OPLAH: variants seen among roughly 807,000 people sequenced by gnomAD.
OPLAH encodes the protein 5-oxoprolinase.
Under a neutral mutation model 122.8 loss-of-function variants are expected in OPLAH, and 103 were observed. The ratio of observed to expected loss-of-function variants is 0.84; its 90% CI spans 0.71 to 0.99. OPLAH has a LOEUF of 0.99. OPLAH is among the 50% of genes least tolerant of loss of function. OPLAH has a pLI of 0.00. For missense variants in OPLAH, 1,902 were observed against 1,836.5 expected (o/e 1.04, Z -0.65); for synonymous variants, 875 against 796.0 (o/e 1.10, Z -1.67).
At chr8:144,054,967 G>C (rs1265430487) in intron 17 of OPLAH, 54 bp from the exon 18 acceptor site, 14 of 1,223,948 alleles carry the variant, frequency 1.1e-5, no homozygotes, top group Non-Finnish European at 1.5e-5. Context: ...GGCCAGAGCG[G>C]GGTGGGGGGG....
Position 144,057,310 on chromosome 8 carries a change from T to C in OPLAH, c.1433A>G (p.His478Arg). Residue 478 changes from histidine to arginine, a missense_variant, in exon 11 of 27, where the codon CAT becomes CGT. This residue lies in a region of OPLAH where 1,726 missense variants were observed against 1,642.1 expected (regional missense o/e 1.05). Transcript: ENST00000618853. ...GGCCAGCACATGGGCTGAGGGGTCATGGCCTCTTGCCTAGGGAGACAGAAG... is the reference window on the plus strand; with the variant it reads ...GGCCAGCACATGGGCTGAGGGGTCACGGCCTCTTGCCTAGGGAGACAGAAG... The part of the protein sequence containing the change: ...PIRALTQARG[H>R]DPSAHVLACF... 5 of 1,611,902 alleles carry C rather than the reference T, an allele frequency of 3.1e-6. No homozygotes were observed. The South Asian group carries it at 4.4e-5, about 14-fold the overall frequency.
In OPLAH at chr8:144,052,831, C is replaced by CG; in HGVS notation, c.3087dup (p.Val1030ArgfsTer120). 6.4e-7 allele frequency: 1 copy of CG among 1,557,628 alleles called. No homozygotes were observed. Among genetic ancestry groups the CG allele is most frequent in the Non-Finnish European group, 8.7e-7 (1 of 1,151,586 alleles). On this transcript the variant is annotated frameshift_variant, in exon 22 of 27. Transcript: ENST00000618853. LOFTEE classifies it high-confidence loss of function. ...CAGTAGATGAGGGCGGACAGGGTTA[C>CG]GGCCCGCGGTGCGTTGAGATTACCA...
In OPLAH at chr8:144,051,401, C is replaced by G. The variant is rs199762879; in HGVS notation, c.3792G>C (p.Gly1264=). 6.8e-5 allele frequency: 108 copies of G among 1,599,682 alleles called. No homozygotes were observed. The highest frequency in any genetic ancestry group is 9.1e-5 in the Non-Finnish European group (107 of 1,174,868). ...GDPEDPAPPP[G]SPPQALAFPE... is the part of the protein sequence containing the mutation. Reference sequence around the variant, plus strand: ...GAAAGGCCAGTGCTTGCGGGGGCGACCCCGGCGGTGGGGCGGGGTCCTCCG... The same window carrying G: ...GAAAGGCCAGTGCTTGCGGGGGCGAGCCCGGCGGTGGGGCGGGGTCCTCCG... The change falls in exon 27 of 27, where the codon GGG becomes GGC. Residue 1264 remains glycine (G), a synonymous_variant. Transcript: ENST00000618853.
chr8:144,052,610 G>A lies in OPLAH; in HGVS notation c.3154-12C>T, dbSNP rs782189981. The stretch of plus-strand genomic sequence containing the variant: ...GGCGCCAGGCAGCCCTGTGCGGGGC[G>A]GGCGGCTCTCAGGAGCTCTTGGGGT... On this transcript the variant is annotated splice_polypyrimidine_tract_variant and intron_variant, in intron 22 of 26. Transcript: ENST00000618853. The A allele has an allele frequency of 1.2e-4, 190 of 1,585,274 alleles. No individual in the cohort carries two copies. The highest frequency in any genetic ancestry group is 1.5e-4 in the Non-Finnish European group (176 of 1,170,864).
At chr8:144,060,993 C>T (rs1354008552), upstream of OPLAH, among the ~76,000 whole-genome samples, 1 of 152,232 alleles carries the variant, frequency 6.6e-6, no homozygotes, top group Non-Finnish European at 1.5e-5. Context: ...ACAGGGCTTC[C>T]CACTGGCGGA....
chr8:144,052,778 G>A lies in OPLAH; in HGVS notation c.3141C>T (p.Ile1047=). 6.4e-7 allele frequency: 1 copy of A among 1,566,306 alleles called. No homozygotes were observed. Among genetic ancestry groups the A allele is most frequent in the Non-Finnish European group, 8.6e-7 (1 of 1,156,852 alleles). The change falls in exon 22 of 27, where the codon ATC becomes ATT. Residue 1047 remains isoleucine (I), a synonymous_variant. Transcript: ENST00000618853. The part of the protein sequence containing the change: ...YCLRCLVGRD[I]PLNQGCLAPV... Reference sequence around the variant, plus strand: ...CACCCCTGCGAACCTGGTTGAGTGGGATGTCGCGGCCCACCAGACAGCGCA... The same window carrying A: ...CACCCCTGCGAACCTGGTTGAGTGGAATGTCGCGGCCCACCAGACAGCGCA...
At position 144,057,071 on chromosome 8, in the gene OPLAH, A is replaced by G. The variant is rs1554759420; in HGVS notation, c.1583T>C (p.Val528Ala). 4.4e-6 allele frequency: 7 copies of G among 1,602,532 alleles called. No individual in the cohort carries two copies. The highest frequency in any genetic ancestry group is 5.1e-6 in the Non-Finnish European group (6 of 1,175,746). ...SALGLALADVVHEAQEPCSLL... is the reference protein window; with the variant it reads ...SALGLALADVAHEAQEPCSLL... Reference sequence around the variant, plus strand: ...GGAGCAGGGTTCCTGTGCCTCATGCACCACGTCAGCCAGGGCCAGCCCCAG... The same window carrying G: ...GGAGCAGGGTTCCTGTGCCTCATGCGCCACGTCAGCCAGGGCCAGCCCCAG... Residue 528 changes from valine (V) to alanine (A), a missense_variant, in exon 12 of 27, where the codon GTG becomes GCG. Around this residue, in one of 3 missense-constraint regions of OPLAH, gnomAD observed 1,726 missense variants for 1,642.1 expected, o/e 1.05. Coordinates refer to ENST00000618853, the MANE Select transcript of OPLAH (RefSeq NM_017570.5).
chr8:144,052,613 C>A lies in OPLAH; in HGVS notation c.3154-15G>T, dbSNP rs782658066. 6.3e-7 allele frequency: 1 copy of A among 1,582,866 alleles called. No individual in the cohort carries two copies. Among genetic ancestry groups the A allele is most frequent in the Non-Finnish European group, 8.6e-7 (1 of 1,169,482 alleles). On this transcript the variant is annotated splice_polypyrimidine_tract_variant and intron_variant, in intron 22 of 26. Transcript: ENST00000618853. ...GCCAGGCAGCCCTGTGCGGGGCGGG[C>A]GGCTCTCAGGAGCTCTTGGGGTGGG...
chr8:144,060,396 C>G (rs1479568434), intron 1 of OPLAH, among the ~76,000 whole-genome samples: 1 of 152,200 alleles, frequency 6.6e-6, no homozygotes, highest in Non-Finnish European at 1.5e-5. Context: ...GGTCCCTCAG[C>G]ACGAAAGAGG....
intron 11 of OPLAH, 39 bp downstream of exon 11, chr8:144,057,169 C>T (rs1198097563): frequency 3.1e-6 from 5 of 1,601,696 alleles, no homozygotes; most frequent in African/African-American, 1.3e-5. Flanking sequence ...AAGCCCGGCG[C>T]AGATCACACC....
In OPLAH at chr8:144,051,836, G is replaced by C. The variant is rs546219910; in HGVS notation, c.3623-10C>G. The stretch of plus-strand genomic sequence containing the variant: ...GCGCCAGGCTCGCCCCCTGCGGAGG[G>C]AGGCGAGGAGTCCAGAGAGACCAGG... On this transcript the variant is annotated splice_polypyrimidine_tract_variant and intron_variant, in intron 25 of 26. Transcript: ENST00000618853. 21 of 1,532,508 alleles carry C rather than the reference G, an allele frequency of 1.4e-5. No homozygotes were observed. The African/African-American group carries it at 1.8e-4, about 13-fold the overall frequency. The allele number at this position is 1,532,508 out of a possible 1,614,324, so 94.9% of individuals were successfully genotyped here. A position where few individuals can be genotyped will look rare whatever the true frequency, so the allele number is the denominator to read the frequency against.
chr8:144,057,387 A>G, intron 10 of OPLAH, 61 bp downstream of exon 10: 1 of 1,582,884 alleles, frequency 6.3e-7, no homozygotes, highest in Non-Finnish European at 8.6e-7. Flanking sequence ...CCTGAGCAGG[A>G]GGCCTGGGGC....
rs782556611 is a variant in OPLAH at position 144,054,819 on chromosome 8, A to G, written c.2504T>C (p.Ile835Thr). ...GGSHLPDLTVITPVFWPGQTR... is the reference protein window; with the variant it reads ...GGSHLPDLTVTTPVFWPGQTR... ...GCGGGCAGCACCCCTCACCGGTGTG[A>G]TAACAGTCAGGTCTGGCAGGTGGCT... Residue 835 changes from isoleucine (I) to threonine (T), a missense_variant, in exon 18 of 27, where the codon ATC (isoleucine) becomes ACC (threonine). Physicochemically the swap from Ile to Thr is moderately conservative, Grantham distance 89. Coordinates refer to ENST00000618853, the MANE Select transcript of OPLAH (RefSeq NM_017570.5). 6.8e-6 allele frequency: 11 copies of G among 1,612,266 alleles called. No individual in the cohort carries two copies. The East Asian group carries it at 1.3e-4, about 20-fold the overall frequency.
chr8:144,050,812 T>G, downstream of OPLAH: 1 of 989,406 alleles, frequency 1.0e-6, no homozygotes, highest in Non-Finnish European at 1.2e-6. Flanking sequence ...GCTGAGCACC[T>G]CCGTGCTCCA....
chr8:144,052,599 C>CT lies in OPLAH; in HGVS notation c.3154-2dup. ...CCACGCGCACTGGCGCCAGGCAGCC[C>CT]TGTGCGGGGCGGGCGGCTCTCAGGA... On this transcript the variant is annotated splice_acceptor_variant, in intron 22 of 26. Transcript: ENST00000618853. LOFTEE classifies it high-confidence loss of function. The CT allele has an allele frequency of 6.3e-7, 1 of 1,591,582 alleles. No homozygotes were observed. Among genetic ancestry groups the CT allele is most frequent in the Non-Finnish European group, 8.5e-7 (1 of 1,174,444 alleles).
At chr8:144,062,831 C>T (rs1835685550), upstream of OPLAH, among the ~76,000 whole-genome samples, 1 of 152,052 alleles carries the variant, frequency 6.6e-6, no homozygotes, top group Non-Finnish European at 1.5e-5. Context: ...CCTCTAAGGG[C>T]CTGTCCCCAC....
At chr8:144,059,108 C>T (rs1273595097) in intron 3 of OPLAH, 29 bp from the exon 4 acceptor site, 6 of 1,531,272 alleles carry the variant, frequency 3.9e-6, no homozygotes, top group Non-Finnish European at 4.4e-6. Context: ...TCAGAAGAGG[C>T]CCAGGCCTGA....
At chr8:144,057,971 C>CGAGTTGGACACGAGG (rs1554759770) in intron 8 of OPLAH, 39 bp downstream of exon 8, 1 of 1,611,930 alleles carries the variant, frequency 6.2e-7, no homozygotes, top group South Asian at 1.1e-5. Context: ...AGGAGGGAGA[C>CGAGTTGGACACGAGG]AGGGCTGGGG....
rs782397122 is a variant in OPLAH, at chr8:144,056,462, C to G, written c.1906G>C (p.Val636Leu). The change falls in exon 14 of 27, where the codon GTG (valine) becomes CTG (leucine). Residue 636 changes from valine (V) to leucine (L), a missense_variant. This residue lies in a region of OPLAH where 1,726 missense variants were observed against 1,642.1 expected (regional missense o/e 1.05). Transcript: ENST00000618853. ...ERPVVVDDVR[V>L]RGTGRSGLRL... ...AGACCACTGCGGCCGGTGCCCCGCA[C>G]TCGCACATCGTCCACGACCACCGGC... The G allele has an allele frequency of 6.2e-7, 1 of 1,611,450 alleles. No individual in the cohort carries two copies. The highest frequency in any genetic ancestry group is 1.1e-5 in the South Asian group (1 of 90,970).
Sources: gnomAD v4.1 joint callset for allele counts (sites outside exome capture counted in the v4.1 genomes callset) on GRCh38, gnomAD v4.1.1 for gene constraint, gnomAD v4.1.1 regional missense constraint, MANE v1.5 for transcripts, NCBI Gene and HGNC (gene_info 2026-07-23, HGNC 2026-07-21) for gene names.